DCHS2: variants seen among roughly 807,000 people sequenced by gnomAD.
DCHS2 encodes protocadherin-23.
A neutral mutation model predicts 182.4 loss-of-function variants in DCHS2; 142 were observed. The ratio of observed to expected loss-of-function variants is 0.78; its 90% confidence interval spans 0.68 to 0.89. The LOEUF (loss-of-function observed/expected upper bound fraction) is 0.89, where lower values mean the gene tolerates loss of function less well. Among genes scored for constraint, DCHS2 ranks in the 40% least tolerant of loss-of-function variants. DCHS2 has a pLI of 0.00. For synonymous variants in DCHS2, 1,740 were observed against 1,663.3 expected, an observed-to-expected ratio of 1.05 and a Z score of -1.12; for missense variants, 4,319 against 4,198.6, an observed-to-expected ratio of 1.03 and a Z score of -0.79.
At chr4:154,260,026 G>A (rs184817308) in intron 14 of DCHS2, among the ~76,000 whole-genome samples, 43 of 152,188 alleles carry the variant, frequency 2.8e-4, no homozygotes, top group South Asian at 1.0e-3. Flanking sequence ...TTTTCACCAT[G>A]TTGGCCAGTC....
At chr4:154,483,358 A>G (rs1735994750) in intron 1 of DCHS2, among the ~76,000 whole-genome samples, 1 of 152,218 alleles carries the variant, frequency 6.6e-6, no homozygotes, top group Non-Finnish European at 1.5e-5. Context: ...CTGTGATCAG[A>G]GAGTGAGATG....
chr4:154,322,599 A>G (rs984209063), intron 7 of DCHS2, 111 bp from the exon 8 acceptor site: 4 of 1,330,586 alleles, frequency 3.0e-6, no homozygotes, highest in Admixed American at 6.6e-5. Context: ...TTTGAATTCT[A>G]TGAGAGTATG....
At chr4:154,414,720 C>A (rs907955150) in intron 1 of DCHS2, among the ~76,000 whole-genome samples, 1 of 151,942 alleles carries the variant, frequency 6.6e-6, no homozygotes, top group Non-Finnish European at 1.5e-5. Flanking sequence ...GGGGGATAGG[C>A]CTTTTCTTAC....
intron 1 of DCHS2, among the ~76,000 whole-genome samples, chr4:154,409,837 A>T (rs1732548588): frequency 6.6e-6 from 1 of 152,162 alleles, no homozygotes; most frequent in Non-Finnish European, 1.5e-5. Context: ...GGACCCTAAC[A>T]ACCTATGCTC....
intron 13 of DCHS2, among the ~76,000 whole-genome samples, chr4:154,288,602 A>T (rs75722693): frequency 0.016 from 2,437 of 152,194 alleles, 63 homozygotes; most frequent in East Asian, 0.11. Context: ...CATCCAATGA[A>T]ATGGATGGAG....
intron 13 of DCHS2, among the ~76,000 whole-genome samples, chr4:154,296,492 A>T (rs1272359732): frequency 1.3e-5 from 2 of 152,292 alleles, no homozygotes; most frequent in African/African-American, 2.4e-5. Context: ...CTCTTAAAGA[A>T]CTTTTACCAA....
intron 2 of DCHS2, among the ~76,000 whole-genome samples, chr4:154,367,909 A>T (rs572218581): frequency 1.4e-5 from 2 of 141,456 alleles, no homozygotes; most frequent in African/African-American, 4.9e-5. Flanking sequence ...AAACCCAGAA[A>T]CGGCTGTCCT....
rs1326305840 is a variant in DCHS2 at position 154,333,365 on chromosome 4, A to G, written c.2843T>C (p.Leu948Pro). 6.2e-7 allele frequency: 1 copy of G among 1,614,196 alleles called. No homozygotes were observed. ...GCTGCCGAGCTGCGCCTGCACCGTG[A>G]GCACAACCACGGGCTGCGTCTCGTG... ...LDHETQPVVVLTVQAQLGSAP... is the reference protein window; with the variant it reads ...LDHETQPVVVPTVQAQLGSAP... Residue 948 changes from leucine to proline, a missense_variant, in exon 5 of 20, where the codon CTC (leucine) becomes CCC (proline). By Grantham distance (98) the Leu-to-Pro change is moderately conservative. Coordinates refer to ENST00000357232, the MANE Select transcript of DCHS2 (RefSeq NM_001358235.2).
intron 1 of DCHS2, among the ~76,000 whole-genome samples, chr4:154,388,578 T>C (rs1731525069): frequency 6.8e-6 from 1 of 147,886 alleles, no homozygotes; most frequent in African/African-American, 2.5e-5. Flanking sequence ...GACTGCAACC[T>C]CTGCCTTCTG....
rs566607587 is a variant in DCHS2, at chr4:154,337,826, C to T, written c.2477-2722G>A. Among the ~76,000 whole-genome samples the T allele has an allele frequency of 4.6e-5, 7 of 152,050 alleles. No homozygotes were observed. The South Asian group carries it at 1.5e-3, about 32-fold the overall frequency. On this transcript the variant is annotated intron_variant, in intron 3 of 19. Coordinates refer to ENST00000357232, the MANE Select transcript of DCHS2 (RefSeq NM_001358235.2). ...CATGATCTCAGCTCACTGTGACCTC[C>T]GCCTCCTGGGTTCAAGCGATTCTTC...
rs1223639961 is a variant in DCHS2, at chr4:154,235,254, G to A, written c.9398C>T (p.Ser3133Leu). 2.5e-6 allele frequency: 4 copies of A among 1,614,064 alleles called. No individual in the cohort carries two copies. The highest frequency in any genetic ancestry group is 1.7e-4 in the Middle Eastern group (1 of 6,060). ...LSDHESRVPD[S>L]GIPRDSDQLS... The stretch of plus-strand genomic sequence containing the variant: ...CTGGTCTGAGTCCCTCGGGATACCC[G>A]AGTCTGGCACCCTGGACTCGTGGTC... Residue 3133 changes from serine (S) to leucine (L), a missense_variant, in exon 20 of 20, where the codon TCG becomes TTG. By Grantham distance (145) the Ser-to-Leu change is moderately radical (BLOSUM62 -2). Coordinates refer to ENST00000357232, the MANE Select transcript of DCHS2 (RefSeq NM_001358235.2).
chr4:154,393,118 T>C (rs1185888665), intron 1 of DCHS2, among the ~76,000 whole-genome samples: 1 of 152,208 alleles, frequency 6.6e-6, no homozygotes, highest in Non-Finnish European at 1.5e-5. Context: ...ACTTAACAAA[T>C]GGTATCCAAC....
intron 16 of DCHS2, among the ~76,000 whole-genome samples, chr4:154,254,576 C>T (rs941497785): frequency 6.6e-6 from 1 of 152,196 alleles, no homozygotes; most frequent in Non-Finnish European, 1.5e-5. Context: ...GTGGCTCAAG[C>T]CTGTAATCCC....
At chr4:154,285,390 C>A (rs1485075474) in intron 13 of DCHS2, among the ~76,000 whole-genome samples, 2 of 152,162 alleles carry the variant, frequency 1.3e-5, no homozygotes, top group East Asian at 3.9e-4. Flanking sequence ...GTTTAGGTAC[C>A]AGCTCAGCCA....
chr4:154,484,265 A>G (rs1253560518), intron 1 of DCHS2, among the ~76,000 whole-genome samples: 2 of 152,200 alleles, frequency 1.3e-5, no homozygotes, highest in Non-Finnish European at 2.9e-5. Flanking sequence ...ATGTGTTATT[A>G]CAAGAGACTC....
chr4:154,273,216 A>T (rs1733678250), intron 13 of DCHS2, among the ~76,000 whole-genome samples: 1 of 152,122 alleles, frequency 6.6e-6, no homozygotes, highest in Non-Finnish European at 1.5e-5. Flanking sequence ...TCAATCATCG[A>T]GTAGATTAAG....
chr4:154,253,479 G>A (rs996761890), intron 16 of DCHS2, among the ~76,000 whole-genome samples: 2 of 152,166 alleles, frequency 1.3e-5, no homozygotes, highest in African/African-American at 4.8e-5. Flanking sequence ...TTAGTTCTTA[G>A]AACATGGCAG....
chr4:154,432,137 T>A (rs766819608), intron 1 of DCHS2, among the ~76,000 whole-genome samples: 73 of 152,226 alleles, frequency 4.8e-4, no homozygotes, highest in Non-Finnish European at 7.8e-4. Flanking sequence ...CATGAAGTTC[T>A]AAGAGATCAT....
intron 1 of DCHS2, chr4:154,384,288 C>G: frequency 6.4e-7 from 1 of 1,554,982 alleles, no homozygotes; most frequent in Non-Finnish European, 8.7e-7. Flanking sequence ...CACAGCTAGT[C>G]ATTGCCTCCT....
Sources: allele counts gnomAD v4.1 joint callset (sites outside exome capture counted in the v4.1 genomes callset), GRCh38; gene constraint gnomAD v4.1.1; transcripts MANE v1.5; gene names NCBI Gene and HGNC (gene_info 2026-07-23, HGNC 2026-07-21).